Variants in GAS6 observed in about 807,000 individuals in gnomAD.
The protein encoded by GAS6 is growth arrest specific 6, also known as growth arrest-specific protein 6.
In GAS6, 41 loss-of-function variants were observed where a neutral mutation model predicts 75.8. The observed-to-expected ratio is 0.54, with a 90% confidence interval of 0.42 to 0.70. GAS6 has a LOEUF of 0.70. Among genes scored for constraint, GAS6 ranks in the 30% least tolerant of loss-of-function variants. The pLI is 0.00. For synonymous variants in GAS6, 432 were observed against 412.6 expected (o/e 1.05, Z -0.57); for missense variants, 854 against 940.2 (o/e 0.91, Z 1.20).
intron 2 of GAS6, among the ~76,000 whole-genome samples, chr13:113,853,811 G>A (rs975987667): frequency 9.2e-5 from 14 of 152,176 alleles, no homozygotes; most frequent in Admixed American, 2.6e-4. Flanking sequence ...CTGAAGAGCC[G>A]CCGTCTTACA....
intron 7 of GAS6, 168 bp from the exon 8 acceptor site, chr13:113,834,840 G>C: frequency 1.6e-6 from 1 of 627,344 alleles, no homozygotes; most frequent in Non-Finnish European, 2.4e-6. Flanking sequence ...GGAAAGCTAG[G>C]TTGCACCCTC....
Position 113,852,957 on chromosome 13 carries a change from C to T in GAS6, c.256-4907G>A, listed in dbSNP as rs11838364. Among the ~76,000 whole-genome samples, 1,298 of 152,222 alleles carry T rather than the reference C, an allele frequency of 8.5e-3. 19 individuals carry two copies. Among genetic ancestry groups the T allele is most frequent in the African/African-American group, 0.029 (1,212 of 41,566 alleles). Reference sequence around the variant, plus strand: ...ATGCCACCGCAGGAATCAGGCAGCACCCAGCACGTGAAGAGACCCTCCAAG... The same window carrying T: ...ATGCCACCGCAGGAATCAGGCAGCATCCAGCACGTGAAGAGACCCTCCAAG... On this transcript the variant is annotated intron_variant, in intron 2 of 14. Transcript: ENST00000327773.
intron 10 of GAS6, 54 bp downstream of exon 10, chr13:113,832,245 C>G: frequency 6.4e-7 from 1 of 1,559,734 alleles, no homozygotes; most frequent in South Asian, 1.1e-5. Context: ...ACAGCTGAGT[C>G]TGGCTCAGGG....
chr13:113,833,542 G>A lies in GAS6; in HGVS notation c.835-790C>T, dbSNP rs925279251. ...GACAAGAGCCGCCCTGCCCAGAAAC[G>A]TCCACATGTGGGTACTGCATTCCTA... On this transcript the variant is annotated intron_variant, in intron 8 of 14. Transcript: ENST00000327773. 5.0e-6 allele frequency: 5 copies of A among 1,000,476 alleles called. No homozygotes were observed. In the African/African-American group the frequency reaches 5.2e-5, roughly 10 times the overall value. 62.0% of individuals were successfully genotyped at this position (1,000,476 alleles called of 1,614,324 possible).
At chr13:113,823,085 T>TGTGA (rs1311037352) in intron 13 of GAS6, 2 of 355,818 alleles carry the variant, frequency 5.6e-6, no homozygotes, top group East Asian at 8.8e-5. Flanking sequence ...TTCAGATTGC[T>TGTGA]GTGAGCCACC....
Position 113,822,045 on chromosome 13 carries a change from C to T in GAS6, c.1795G>A (p.Val599Met). 1 of 1,580,274 alleles carries T rather than the reference C, an allele frequency of 6.3e-7. No individual in the cohort carries two copies. Among genetic ancestry groups the T allele is most frequent in the Non-Finnish European group, 8.6e-7 (1 of 1,165,040 alleles). ...EVDGTRGQSE[V>M]SAAQLQERLA... ...CTCTCCTGCAGCTGCGCGGCGCTCACCTCGCTCTGGCCCCTGGTGCCGTCC... is the reference window on the plus strand; with the variant it reads ...CTCTCCTGCAGCTGCGCGGCGCTCATCTCGCTCTGGCCCCTGGTGCCGTCC... The change falls in exon 14 of 15, where the codon GTG (valine) becomes ATG (methionine). Residue 599 changes from valine (V) to methionine (M), a missense_variant. Coordinates refer to ENST00000327773, the MANE Select transcript of GAS6 (RefSeq NM_000820.4).
At chr13:113,830,437 T>TC (rs2051615765) in intron 10 of GAS6, among the ~76,000 whole-genome samples, 1 of 129,246 alleles carries the variant, frequency 7.7e-6, no homozygotes. Flanking sequence ...GCAACACCGC[T>TC]CCCCCAGGCG....
In GAS6 at chr13:113,837,050, A is replaced by G. The variant is rs934253036; in HGVS notation, c.589+1019T>C. Reference sequence around the variant, plus strand: ...ACCCACGGGAGATGCTTTAGACGTCATCTCTCAGGATCGGCCTAGTCTTCA... The same window carrying G: ...ACCCACGGGAGATGCTTTAGACGTCGTCTCTCAGGATCGGCCTAGTCTTCA... On this transcript the variant is annotated intron_variant, in intron 6 of 14. Coordinates refer to ENST00000327773, the MANE Select transcript of GAS6 (RefSeq NM_000820.4). The surrounding 1 kb of genome is among the most constrained non-coding windows in gnomAD (Gnocchi z 5.1). Among the ~76,000 whole-genome samples the G allele has an allele frequency of 1.3e-5, 2 of 151,720 alleles. No homozygotes were observed. The highest frequency in any genetic ancestry group is 2.4e-5 in the African/African-American group (1 of 41,236).
chr13:113,856,761 C>A (rs1352277454), intron 2 of GAS6, among the ~76,000 whole-genome samples: 1 of 152,230 alleles, frequency 6.6e-6, no homozygotes, highest in Admixed American at 6.5e-5. Context: ...AAGCCCACTG[C>A]GCCTCCCTGA....
At chr13:113,830,434 C>T (rs528306417) in intron 10 of GAS6, among the ~76,000 whole-genome samples, 215 of 134,832 alleles carry the variant, frequency 1.6e-3, no homozygotes, top group African/African-American at 6.3e-3. Context: ...CCTGCAACAC[C>T]GCTCCCCCAG....
At chr13:113,836,366 G>A (rs1445790985) in intron 6 of GAS6, among the ~76,000 whole-genome samples, 1 of 292 alleles carries the variant, frequency 3.4e-3, no homozygotes. Flanking sequence ...AGGGGGTAGG[G>A]AGAGGATGGA....
chr13:113,835,603 C>T lies in GAS6; in HGVS notation c.622G>A (p.Gly208Arg), dbSNP rs1429779557. ...IDECADSEAC[G>R]EARCKNLPGS... ...GGCAGGTTCTTGCAGCGCGCCTCCC[C>T]GCAGGCCTCCGAGTCTGCGCACTCG... Residue 208 changes from glycine (G) to arginine (R), a missense_variant, in exon 7 of 15, where the codon GGG becomes AGG. By Grantham distance (125) the Gly-to-Arg change is moderately radical. Transcript: ENST00000327773. 1.9e-6 allele frequency: 3 copies of T among 1,612,222 alleles called. No homozygotes were observed. Among genetic ancestry groups the T allele is most frequent in the Admixed American group, 1.7e-5 (1 of 59,982 alleles).
chr13:113,822,168 C>G lies in GAS6; in HGVS notation c.1672G>C (p.Glu558Gln), dbSNP rs772364543. Residue 558 changes from glutamate (E) to glutamine (Q), a missense_variant, in exon 14 of 15, where the codon GAG (glutamate) becomes CAG (glutamine). Transcript: ENST00000327773. ...LKKQLVVLAV[E>Q]HTALALMEIK... ...TCCATTAGGGCCAAGGCCGTATGCT[C>G]CACGGCCAGGACCACCAGCTGCAGG... is the stretch of plus-strand genomic sequence containing the variant. 5.1e-6 allele frequency: 8 copies of G among 1,565,128 alleles called. No individual in the cohort carries two copies. In the East Asian group the frequency reaches 6.9e-5, roughly 14 times the overall value.
chr13:113,839,648 C>T (rs890428203), intron 5 of GAS6, 80 bp downstream of exon 5: 16 of 1,557,802 alleles, frequency 1.0e-5, no homozygotes, highest in Admixed American at 7.1e-5. Context: ...GGCCGTGCCC[C>T]GGAGTGGGAG....
chr13:113,861,163 G>A (rs1341597762), intron 2 of GAS6, among the ~76,000 whole-genome samples: 1 of 152,228 alleles, frequency 6.6e-6, no homozygotes, highest in Non-Finnish European at 1.5e-5. Context: ...TTAGCAGGTG[G>A]ACATGAAGGT....
chr13:113,856,139 G>A (rs1369768496), intron 2 of GAS6, among the ~76,000 whole-genome samples: 1 of 152,204 alleles, frequency 6.6e-6, no homozygotes. Context: ...ATGTTCACGA[G>A]ACTAATGCTC....
chr13:113,823,295 C>T, intron 13 of GAS6, 80 bp downstream of exon 13: 1 of 1,452,608 alleles, frequency 6.9e-7, no homozygotes, highest in Non-Finnish European at 9.2e-7. Context: ...CGCGGGCCCC[C>T]TTCGTCCCCT....
intron 4 of GAS6, 77 bp downstream of exon 4, chr13:113,846,450 C>T (rs1186362713): frequency 1.5e-6 from 2 of 1,303,594 alleles, no homozygotes; most frequent in African/African-American, 1.5e-5. Flanking sequence ...ATTCAGGGCC[C>T]TCCACAAACC....
At chr13:113,824,944 C>T (rs866209561) in intron 12 of GAS6, among the ~76,000 whole-genome samples, 20 of 152,164 alleles carry the variant, frequency 1.3e-4, no homozygotes, top group Non-Finnish European at 2.2e-4. Flanking sequence ...CCCAGTCGGG[C>T]GTGGTGGCTC....
Sources: allele counts gnomAD v4.1 joint callset (sites outside exome capture counted in the v4.1 genomes callset), GRCh38; gene constraint gnomAD v4.1.1; non-coding constraint Gnocchi (gnomAD v3.1); transcripts MANE v1.5; gene names NCBI Gene and HGNC (gene_info 2026-07-23, HGNC 2026-07-21).